The following DISC1 variants were observed in gnomAD, a reference collection of about 807,000 sequenced individuals.
DISC1 encodes the protein DISC1 scaffold protein.
In DISC1, 57 loss-of-function variants were observed where a neutral mutation model predicts 84.5. That is an observed-to-expected ratio of 0.67 (90% CI 0.55 to 0.84). The LOEUF is 0.84. Ranked by LOEUF, DISC1 falls within the 40% of genes least tolerant of loss-of-function variation. The probability of loss-of-function intolerance (pLI) is 0.00; values close to 1 mark genes in which losing one functional copy is unlikely to be tolerated. For synonymous variants in DISC1, 411 were observed against 415.2 expected (o/e 0.99, Z 0.12); for missense variants, 1,000 against 1,057.8 (o/e 0.95, Z 0.76).
At position 231,750,600 on chromosome 1, in the gene DISC1, G is replaced by A. The variant is rs530811978; in HGVS notation, c.1268+524G>A. On this transcript the variant is annotated intron_variant, in intron 4 of 12. Transcript: ENST00000439617. ...AATCCAGTGGCTTGTGGTCCTGGCTGCATGTTTGAATAACTTAGAAAGATT... is the reference window on the plus strand; with the variant it reads ...AATCCAGTGGCTTGTGGTCCTGGCTACATGTTTGAATAACTTAGAAAGATT... 1.1e-5 allele frequency: 11 copies of A among 984,482 alleles called. No homozygotes were observed. The South Asian group carries it at 4.7e-4, about 42-fold the overall frequency. 61.0% of individuals were successfully genotyped at this position (984,482 alleles called of 1,614,324 possible).
chr1:231,898,150 C>T (rs2087853226), intron 9 of DISC1, among the ~76,000 whole-genome samples: 1 of 152,216 alleles, frequency 6.6e-6, no homozygotes, highest in Admixed American at 6.5e-5. Flanking sequence ...TGTATATTCA[C>T]TTTAGGTCAT....
chr1:231,744,654 C>A (rs569993815), intron 3 of DISC1, among the ~76,000 whole-genome samples: 105 of 152,104 alleles, frequency 6.9e-4, no homozygotes, highest in African/African-American at 2.5e-3. Context: ...GTGAGAGAAT[C>A]CCAACAAATA....
chr1:231,844,943 G>GA (rs1045343130), intron 9 of DISC1, among the ~76,000 whole-genome samples: 1 of 144,990 alleles, frequency 6.9e-6, no homozygotes, highest in Non-Finnish European at 1.5e-5. Flanking sequence ...AAAAAAAAAA[G>GA]AAAAAAAAGA....
chr1:231,980,410 T>C (rs1663425548), intron 10 of DISC1, among the ~76,000 whole-genome samples: 1 of 152,196 alleles, frequency 6.6e-6, no homozygotes, highest in African/African-American at 2.4e-5. Context: ...CAGGGGTGTG[T>C]TTGTGACTCA....
At chr1:231,847,550 T>G (rs944153186) in intron 9 of DISC1, among the ~76,000 whole-genome samples, 3 of 152,132 alleles carry the variant, frequency 2.0e-5, no homozygotes, top group Non-Finnish European at 4.4e-5. Flanking sequence ...GGCTGGACCC[T>G]CTGTTGCTGT....
chr1:231,659,498 CTGGTTATTTCT>C (rs773989531), intron 1 of DISC1, among the ~76,000 whole-genome samples: 16 of 151,914 alleles, frequency 1.1e-4, no homozygotes, highest in Admixed American at 2.0e-4. Context: ...TGCCCTCATC[CTGGTTATTTCT>C]TGTCTTCTAG....
intron 1 of DISC1, among the ~76,000 whole-genome samples, chr1:231,640,528 A>AT (rs58820518): frequency 0.4 from 52,869 of 133,296 alleles, 10,727 homozygotes; most frequent in East Asian, 0.58. Context: ...CCTCCTTGGT[A>AT]TTTTTTTTTT....
chr1:231,819,448 AT>A (rs1281421886), intron 9 of DISC1, among the ~76,000 whole-genome samples: 1 of 152,220 alleles, frequency 6.6e-6, no homozygotes, highest in African/African-American at 2.4e-5. Context: ...ATGTCTATCA[AT>A]TTGTGTAGAG....
chr1:231,975,940 T>C (rs1662734417), intron 10 of DISC1, among the ~76,000 whole-genome samples: 1 of 152,234 alleles, frequency 6.6e-6, no homozygotes, highest in Non-Finnish European at 1.5e-5. Context: ...TCTATGCATG[T>C]AACAAAATTG....
At position 231,954,647 on chromosome 1, in the gene DISC1, T is replaced by C. The variant is rs574664453; in HGVS notation, c.1982-4181T>C. 4.5e-4 allele frequency among the ~76,000 whole-genome samples: 68 copies of C among 152,276 alleles called. No homozygotes were observed. The highest frequency in any genetic ancestry group is 1.5e-3 in the African/African-American group (63 of 41,564). On this transcript the variant is annotated intron_variant, in intron 9 of 12. Transcript: ENST00000439617. This position sits in a 1 kb window ranked among gnomAD's most constrained non-coding sequence, Gnocchi z 4.8. Reference sequence around the variant, plus strand: ...GAACCTTGCCTTACTACCATTGCCATTCTCATAGGTCCCTGCTCTACTGGA... The same window carrying C: ...GAACCTTGCCTTACTACCATTGCCACTCTCATAGGTCCCTGCTCTACTGGA...
Position 232,017,593 on chromosome 1 carries a change from A to G in DISC1, c.2307+8544A>G, listed in dbSNP as rs559828280. Among the ~76,000 whole-genome samples, 5 of 151,506 alleles carry G rather than the reference A, an allele frequency of 3.3e-5. No individual in the cohort carries two copies. The East Asian group carries it at 9.7e-4, about 30-fold the overall frequency. ...GGATAGGTATTGCTGATGCCTTATT[A>G]CACAGCCGAAGGAAATAAGGATCTG... On this transcript the variant is annotated intron_variant, in intron 11 of 12. Transcript: ENST00000439617.
At chr1:231,930,609 C>T (rs1038003852) in intron 9 of DISC1, among the ~76,000 whole-genome samples, 1 of 152,094 alleles carries the variant, frequency 6.6e-6, no homozygotes, top group Non-Finnish European at 1.5e-5. Context: ...CCATATGGCT[C>T]ACATAGCCTC....
intron 9 of DISC1, among the ~76,000 whole-genome samples, chr1:231,941,309 G>A (rs1328216627): frequency 6.6e-6 from 1 of 151,996 alleles, no homozygotes. Flanking sequence ...CATTCCCACT[G>A]CCTGTGCCCA....
intron 9 of DISC1, among the ~76,000 whole-genome samples, chr1:231,871,255 A>G (rs917497975): frequency 6.6e-6 from 1 of 152,224 alleles, no homozygotes; most frequent in African/African-American, 2.4e-5. Flanking sequence ...ATTAGTCGCC[A>G]TTCTCTCCTC....
intron 9 of DISC1, chr1:231,855,293 A>G (rs2084190696): frequency 1.1e-6 from 1 of 937,540 alleles, no homozygotes; most frequent in Non-Finnish European, 1.3e-6. Context: ...ACATATGTAT[A>G]TTTCAAAATA....
intron 6 of DISC1, among the ~76,000 whole-genome samples, chr1:231,773,878 C>T (rs1460259695): frequency 6.6e-6 from 1 of 152,022 alleles, no homozygotes; most frequent in Non-Finnish European, 1.5e-5. Context: ...CAGGCTGCCA[C>T]GTTTTTGTGC....
At position 232,039,168 on chromosome 1, in the gene DISC1, C is replaced by T. The variant is rs144565562; in HGVS notation, c.*2337C>T. 2.0e-5 allele frequency: 3 copies of T among 152,326 alleles called. No individual in the cohort carries two copies. Among genetic ancestry groups the T allele is most frequent in the African/African-American group, 7.2e-5 (3 of 41,572 alleles). 9.4% of individuals were successfully genotyped at this position (152,326 alleles called of 1,614,324 possible). A position where few individuals can be genotyped will look rare whatever the true frequency, so the allele number is the denominator to read the frequency against. The stretch of plus-strand genomic sequence containing the variant: ...TCTAAAGAAAATTATGAACTGGTCA[C>T]ATGGCACTTGGAATCCTTGAGTTAA... On this transcript the variant is annotated 3_prime_UTR_variant, in exon 13 of 13. Coordinates refer to ENST00000439617, the MANE Select transcript of DISC1 (RefSeq NM_018662.3).
intron 8 of DISC1, among the ~76,000 whole-genome samples, chr1:231,802,689 T>C (rs1165488416): frequency 1.3e-5 from 2 of 152,192 alleles, no homozygotes; most frequent in African/African-American, 4.8e-5. Context: ...CTCTCTTCTC[T>C]TGCATTTCAT....
chr1:231,770,627 T>A (rs2076486540), intron 5 of DISC1, among the ~76,000 whole-genome samples: 1 of 152,214 alleles, frequency 6.6e-6, no homozygotes, highest in African/African-American at 2.4e-5. Context: ...TGGGAGGGAA[T>A]GTTTTTCCTT....
Sources: allele counts gnomAD v4.1 joint callset (sites outside exome capture counted in the v4.1 genomes callset), GRCh38; gene constraint gnomAD v4.1.1; non-coding constraint Gnocchi (gnomAD v3.1); transcripts MANE v1.5; gene names NCBI Gene and HGNC (gene_info 2026-07-23, HGNC 2026-07-21).